FNIP1: variants seen among roughly 807,000 people sequenced by gnomAD.
The protein encoded by FNIP1 is folliculin interacting protein 1, also known as folliculin-interacting protein 1.
In FNIP1, 40 loss-of-function variants were observed where a neutral mutation model predicts 124.5. That is an observed-to-expected ratio of 0.32 (90% confidence interval 0.25 to 0.42). The LOEUF is 0.42. Ranked by LOEUF, FNIP1 falls within the 10% of genes least tolerant of loss-of-function variation. The pLI is 1.00. For synonymous variants in FNIP1, 472 were observed against 470.6 expected (o/e 1.00, Z -0.04); for missense variants, 1,176 against 1,403.7 (o/e 0.84, Z 2.59).
At chr5:131,676,415 C>T (rs532496464) in intron 13 of FNIP1, among the ~76,000 whole-genome samples, 2 of 152,006 alleles carry the variant, frequency 1.3e-5, no homozygotes, top group South Asian at 4.2e-4. Context: ...TCCCAAAGTG[C>T]CAGGATTACA....
At chr5:131,735,404 G>C (rs11242093) in intron 2 of FNIP1, among the ~76,000 whole-genome samples, 118,503 of 151,094 alleles carry the variant, frequency 0.78, 46,697 homozygotes, top group African/African-American at 0.83. Context: ...GACATGTATA[G>C]ATATGTAACA....
intron 6 of FNIP1, 102 bp downstream of exon 6, chr5:131,716,463 T>C (rs1769468850): frequency 1.5e-6 from 1 of 677,442 alleles, no homozygotes; most frequent in East Asian, 2.8e-5. Context: ...TTTGAAATTC[T>C]TTGTTATCAT....
At chr5:131,653,422 C>A (rs1767100287) in intron 15 of FNIP1, among the ~76,000 whole-genome samples, 1 of 151,892 alleles carries the variant, frequency 6.6e-6, no homozygotes, top group Non-Finnish European at 1.5e-5. Context: ...GCCTGTAATC[C>A]CAGCTACTTG....
chr5:131,696,598 A>T (rs1175758614), intron 11 of FNIP1, among the ~76,000 whole-genome samples: 1 of 152,146 alleles, frequency 6.6e-6, no homozygotes, highest in Admixed American at 6.5e-5. Context: ...AACGTTATAG[A>T]TATTTTTACA....
chr5:131,693,334 A>ATATATATATG (rs1561658350), intron 11 of FNIP1, among the ~76,000 whole-genome samples: 2 of 16,402 alleles, frequency 1.2e-4, no homozygotes, highest in African/African-American at 5.9e-4. Flanking sequence ...ATATATATAC[A>ATATATATATG]TATATATATA....
intron 1 of FNIP1, among the ~76,000 whole-genome samples, chr5:131,759,634 A>G (rs1262281982): frequency 6.6e-6 from 1 of 152,188 alleles, no homozygotes; most frequent in South Asian, 2.1e-4. Flanking sequence ...AGGAACACTT[A>G]TACATTGTTA....
chr5:131,715,679 C>T (rs959489110), intron 6 of FNIP1, among the ~76,000 whole-genome samples: 1 of 152,026 alleles, frequency 6.6e-6, no homozygotes, highest in African/African-American at 2.4e-5. Context: ...ATAACACACA[C>T]ACATTATAAA....
At chr5:131,669,795 A>G (rs1307980302) in intron 15 of FNIP1, among the ~76,000 whole-genome samples, 4 of 152,088 alleles carry the variant, frequency 2.6e-5, no homozygotes, top group African/African-American at 9.7e-5. Context: ...CTTACAACTA[A>G]CAACATACTT....
Position 131,707,158 on chromosome 5 carries a change from G to T in FNIP1, c.779-612C>A, listed in dbSNP as rs547786055. Among the ~76,000 whole-genome samples the T allele has an allele frequency of 2.0e-5, 3 of 152,254 alleles. No homozygotes were observed. In the South Asian group the frequency reaches 6.2e-4, roughly 32 times the overall value. On this transcript the variant is annotated intron_variant, in intron 8 of 17. Coordinates refer to ENST00000510461, the MANE Select transcript of FNIP1 (RefSeq NM_133372.3). ...GCTGCAATCCCCTGATCTTGGGGAT[G>T]GATTATTCCCTTCCCGAAACACTTC...
intron 11 of FNIP1, among the ~76,000 whole-genome samples, chr5:131,686,642 C>T (rs1434053824): frequency 1.3e-5 from 2 of 152,108 alleles, no homozygotes; most frequent in Non-Finnish European, 2.9e-5. Context: ...GGGTATCCAC[C>T]ATCTTAAGAA....
At chr5:131,730,772 T>A (rs1770055959) in intron 3 of FNIP1, 132 bp downstream of exon 3, 3 of 590,542 alleles carry the variant, frequency 5.1e-6, no homozygotes, top group Non-Finnish European at 8.2e-6. Context: ...TAATTGTTTA[T>A]CTGTCTCTCC....
rs1359129082 is a variant in FNIP1, at chr5:131,664,612, A to C, written c.3108+5851T>G. Among the ~76,000 whole-genome samples the C allele has an allele frequency of 2.2e-5, 3 of 138,882 alleles. No individual in the cohort carries two copies. In the East Asian group the frequency reaches 6.5e-4, roughly 30 times the overall value. 91.1% of individuals were successfully genotyped at this position (138,882 alleles called of 152,430 possible). A position where few individuals can be genotyped will look rare whatever the true frequency, so the allele number is the denominator to read the frequency against. On this transcript the variant is annotated intron_variant, in intron 15 of 17. Coordinates refer to ENST00000510461, the MANE Select transcript of FNIP1 (RefSeq NM_133372.3). ...TTCGTGCCACTGCACTCTAACCTGGATGACAGAGCAAGACCCTGTCTCAAA... is the reference window on the plus strand; with the variant it reads ...TTCGTGCCACTGCACTCTAACCTGGCTGACAGAGCAAGACCCTGTCTCAAA...
At chr5:131,696,160 C>T (rs1374123381) in intron 11 of FNIP1, among the ~76,000 whole-genome samples, 1 of 152,096 alleles carries the variant, frequency 6.6e-6, no homozygotes, top group East Asian at 1.9e-4. Flanking sequence ...TTTCACAGAA[C>T]TTCTAGAAAC....
At chr5:131,793,670 G>C (rs574631668) in intron 1 of FNIP1, among the ~76,000 whole-genome samples, 1 of 152,110 alleles carries the variant, frequency 6.6e-6, no homozygotes, top group Non-Finnish European at 1.5e-5. Flanking sequence ...ATACAGAAAG[G>C]TTCCTAAAGC....
intron 1 of FNIP1, among the ~76,000 whole-genome samples, chr5:131,774,913 A>G (rs1771752451): frequency 6.6e-6 from 1 of 152,216 alleles, no homozygotes. Context: ...TCTAACTGCT[A>G]TGGTATCTTC....
At chr5:131,699,339 TAAC>T (rs1768810841) in intron 10 of FNIP1, among the ~76,000 whole-genome samples, 2 of 151,468 alleles carry the variant, frequency 1.3e-5, no homozygotes, top group South Asian at 2.1e-4. Flanking sequence ...GATAACTCAG[TAAC>T]AACAACTCAT....
intron 1 of FNIP1, among the ~76,000 whole-genome samples, chr5:131,792,652 G>A (rs1043417204): frequency 1.3e-5 from 2 of 152,126 alleles, no homozygotes; most frequent in African/African-American, 2.4e-5. Flanking sequence ...CTGACAAGAC[G>A]CCACAGTGGA....
chr5:131,735,672 A>T (rs1770276634), intron 2 of FNIP1, among the ~76,000 whole-genome samples: 1 of 150,194 alleles, frequency 6.7e-6, no homozygotes, highest in South Asian at 2.1e-4. Context: ...ATATATACGT[A>T]TAAAATATGT....
rs77147357 is a variant in FNIP1, at chr5:131,743,614, C to T, written c.219+950G>A. Among the ~76,000 whole-genome samples the T allele has an allele frequency of 4.6e-3, 707 of 152,220 alleles. 8 individuals carry two copies. Among genetic ancestry groups the T allele is most frequent in the African/African-American group, 0.016 (672 of 41,540 alleles). ...AAAATTTATATGTCGTCCTAACCCACCATGCGATATTAGGAGGTGGGGACT... is the reference window on the plus strand; with the variant it reads ...AAAATTTATATGTCGTCCTAACCCATCATGCGATATTAGGAGGTGGGGACT... On this transcript the variant is annotated intron_variant, in intron 2 of 17. Transcript: ENST00000510461.
Sources: allele counts gnomAD v4.1 joint callset (sites outside exome capture counted in the v4.1 genomes callset), GRCh38; gene constraint gnomAD v4.1.1; transcripts MANE v1.5; gene names NCBI Gene and HGNC (gene_info 2026-07-23, HGNC 2026-07-21).